MITF: variants seen among roughly 807,000 people sequenced by gnomAD.
MITF encodes melanocyte inducing transcription factor.
MITF carries 17 observed loss-of-function variants against 60.5 expected under a neutral mutation model. That is an observed-to-expected ratio of 0.28 (90% CI 0.19 to 0.42). The LOEUF is 0.42. Among genes scored for constraint, MITF ranks in the 10% least tolerant of loss-of-function variants. MITF has a pLI of 1.00. For synonymous variants in MITF, 260 were observed against 248.5 expected, an observed-to-expected ratio of 1.05 and a Z score of -0.43; for missense variants, 622 against 683.5, an observed-to-expected ratio of 0.91 and a Z score of 1.00.
In MITF at chr3:69,965,227, A is replaced by G. The variant is rs2066661422; in HGVS notation, c.1560A>G (p.Glu520=). The change falls in exon 10 of 10, where the codon GAA becomes GAG. Residue 520 remains glutamate (E), a synonymous_variant. Transcript: ENST00000352241. ...GCCGGAGGAGCAGTATGAGCATGGAAGAGACGGAGCACACTTGTTAGCGAA... is the reference window on the plus strand; with the variant it reads ...GCCGGAGGAGCAGTATGAGCATGGAGGAGACGGAGCACACTTGTTAGCGAA... ...TSSRRSSMSM[E]ETEHTC The G allele has an allele frequency of 6.2e-7, 1 of 1,613,964 alleles. No individual in the cohort carries two copies. The highest frequency in any genetic ancestry group is 8.5e-7 in the Non-Finnish European group (1 of 1,179,848).
chr3:69,767,533 C>T (rs902603451), intron 1 of MITF, among the ~76,000 whole-genome samples: 8 of 151,840 alleles, frequency 5.3e-5, no homozygotes, highest in South Asian at 4.2e-4. Context: ...TGCAGTCAGC[C>T]GAGATTGCGC....
chr3:69,941,412 C>G, intron 5 of MITF, 81 bp downstream of exon 5: 1 of 820,634 alleles, frequency 1.2e-6, no homozygotes, highest in Non-Finnish European at 2.0e-6. Context: ...TTTATTTTAT[C>G]TTTGTAACTG....
At position 69,967,394 on chromosome 3, in the gene MITF, T is replaced by A. The variant is rs1299297043; in HGVS notation, c.*2146T>A. 1 of 232,328 alleles carries A rather than the reference T, an allele frequency of 4.3e-6. No homozygotes were observed. Among genetic ancestry groups the A allele is most frequent in the Admixed American group, 5.6e-5 (1 of 17,730 alleles). The allele number at this position is 232,328 out of a possible 1,614,324, so 14.4% of individuals were successfully genotyped here. A position where few individuals can be genotyped will look rare whatever the true frequency, so the allele number is the denominator to read the frequency against. On this transcript the variant is annotated 3_prime_UTR_variant, in exon 10 of 10. Transcript: ENST00000352241. ...AGCATTGTCTATTTTTCTCTTCATA[T>A]TTATATGGGGGGGAGGGCGCTGGAT...
intron 1 of MITF, among the ~76,000 whole-genome samples, chr3:69,808,446 T>C (rs572023317): frequency 4.6e-5 from 7 of 152,192 alleles, no homozygotes; most frequent in Admixed American, 3.9e-4. Context: ...GGGGGAGACA[T>C]AGACAAATCC....
chr3:69,831,876 C>T (rs112061862), intron 1 of MITF, among the ~76,000 whole-genome samples: 2,044 of 152,134 alleles, frequency 0.013, 45 homozygotes, highest in African/African-American at 0.046. Flanking sequence ...TGTGGGAGTC[C>T]ACAAGAACCA....
intron 1 of MITF, among the ~76,000 whole-genome samples, chr3:69,819,879 C>T (rs530368813): frequency 1.2e-4 from 18 of 152,262 alleles, no homozygotes; most frequent in African/African-American, 4.1e-4. Context: ...GCAGGGGAAT[C>T]GCTTGAACCC....
chr3:69,917,998 G>T (rs2065376194), intron 2 of MITF, among the ~76,000 whole-genome samples: 1 of 151,968 alleles, frequency 6.6e-6, no homozygotes, highest in Admixed American at 6.6e-5. Flanking sequence ...GTTATATGTT[G>T]TTCCTTCCTT....
intron 2 of MITF, 149 bp downstream of exon 2, chr3:69,879,532 T>TTA (rs2064434584): frequency 5.8e-6 from 8 of 1,388,376 alleles, no homozygotes; most frequent in Admixed American, 4.4e-5. Flanking sequence ...TTACGTGGCT[T>TTA]TATATTTTAA....
chr3:69,889,025 G>GTTTTTTTT (rs4057977), intron 2 of MITF, among the ~76,000 whole-genome samples: 18 of 58,816 alleles, frequency 3.1e-4, no homozygotes, highest in Admixed American at 4.5e-4. Context: ...ATAGCCTTTG[G>GTTTTTTTT]TTTTTTTTTT....
At chr3:69,775,598 T>G (rs1406130429) in intron 1 of MITF, among the ~76,000 whole-genome samples, 2 of 152,232 alleles carry the variant, frequency 1.3e-5, no homozygotes, top group Non-Finnish European at 2.9e-5. Flanking sequence ...ATATTTGCAT[T>G]TTTATTTCTT....
rs1007230872 is a variant in MITF at position 69,821,182 on chromosome 3, G to A, written c.105-57952G>A. 6.6e-5 allele frequency among the ~76,000 whole-genome samples: 10 copies of A among 152,216 alleles called. No individual in the cohort carries two copies. The South Asian group carries it at 8.3e-4, about 13-fold the overall frequency. On this transcript the variant is annotated intron_variant, in intron 1 of 9. Transcript: ENST00000352241. ...GGAGTTCATTTCTTTCCCTTTGATC[G>A]TCAGACTTTTAGCTGCTTCACTTCC...
At chr3:69,818,504 A>G (rs892918344) in intron 1 of MITF, among the ~76,000 whole-genome samples, 3 of 152,168 alleles carry the variant, frequency 2.0e-5, no homozygotes, top group Admixed American at 2.0e-4. Context: ...ATTTTCCAAT[A>G]TTAATGCTCA....
At chr3:69,880,407 TA>T (rs1261656854) in intron 2 of MITF, among the ~76,000 whole-genome samples, 2 of 152,154 alleles carry the variant, frequency 1.3e-5, no homozygotes, top group Non-Finnish European at 2.9e-5. Flanking sequence ...AAGAGTCAAT[TA>T]TTTTTTATTT....
chr3:69,807,728 G>A (rs2063032558), intron 1 of MITF, among the ~76,000 whole-genome samples: 1 of 152,124 alleles, frequency 6.6e-6, no homozygotes, highest in Non-Finnish European at 1.5e-5. Flanking sequence ...AGCCTTTGAG[G>A]CATTGACCTC....
rs2066652661 is a variant in MITF, at chr3:69,965,047, C to T, written c.1380C>T (p.Asn460=). The change falls in exon 10 of 10, where the codon AAC becomes AAT. Residue 460 remains asparagine, a synonymous_variant. Transcript: ENST00000352241. ...ATGGCACCATCACCTTCAACAACAA[C>T]CTCGGAACTGGGACTGAGGCCAACC... The part of the protein sequence containing the change: ...LTDGTITFNN[N]LGTGTEANQA... The T allele has an allele frequency of 1.9e-6, 3 of 1,613,988 alleles. No individual in the cohort carries two copies. The South Asian group carries it at 3.3e-5, about 18-fold the overall frequency.
chr3:69,744,059 T>G (rs1343148849), intron 1 of MITF, among the ~76,000 whole-genome samples: 1 of 152,256 alleles, frequency 6.6e-6, no homozygotes, highest in East Asian at 1.9e-4. Context: ...AAGTGAGTAT[T>G]AGCTTTATCA....
intron 1 of MITF, among the ~76,000 whole-genome samples, chr3:69,817,149 G>A (rs2063194852): frequency 6.6e-6 from 1 of 152,122 alleles, no homozygotes; most frequent in African/African-American, 2.4e-5. Context: ...AAGTGAACCT[G>A]ATTATATCTT....
At chr3:69,783,853 G>T (rs1275219762) in intron 1 of MITF, among the ~76,000 whole-genome samples, 1 of 152,114 alleles carries the variant, frequency 6.6e-6, no homozygotes, top group Non-Finnish European at 1.5e-5. Context: ...GAGGTTTTCA[G>T]GAATCTGCAT....
At chr3:69,790,413 A>G (rs920916807) in intron 1 of MITF, among the ~76,000 whole-genome samples, 4 of 152,234 alleles carry the variant, frequency 2.6e-5, no homozygotes, top group Non-Finnish European at 2.9e-5. Flanking sequence ...CTCTTGCACA[A>G]CAATGTGAAT....
Sources: allele counts gnomAD v4.1 joint callset (sites outside exome capture counted in the v4.1 genomes callset), GRCh38; gene constraint gnomAD v4.1.1; transcripts MANE v1.5; gene names NCBI Gene and HGNC (gene_info 2026-07-23, HGNC 2026-07-21).